HS3ST4: variants seen among roughly 807,000 people sequenced by gnomAD.
HS3ST4 encodes heparan sulfate-glucosamine 3-sulfotransferase 4.
HS3ST4 carries 17 observed loss-of-function variants against 29.2 expected under a neutral mutation model. The ratio of observed to expected loss-of-function variants is 0.58; its 90% CI spans 0.40 to 0.87. HS3ST4 has a LOEUF of 0.87. Ranked by LOEUF, HS3ST4 falls within the 40% of genes least tolerant of loss-of-function variation. The probability of loss-of-function intolerance (pLI) is 0.00; values close to 1 mark genes in which losing one functional copy is unlikely to be tolerated. For missense variants in HS3ST4, 627 were observed against 634.5 expected, an observed-to-expected ratio of 0.99 and a Z score of 0.13; for synonymous variants, 314 against 285.7, an observed-to-expected ratio of 1.10 and a Z score of -1.00.
At chr16:25,982,864 CT>C (rs1334829869) in intron 1 of HS3ST4, among the ~76,000 whole-genome samples, 10 of 152,164 alleles carry the variant, frequency 6.6e-5, no homozygotes, top group Non-Finnish European at 1.3e-4. Context: ...TTCAACTCTT[CT>C]TTAAAAACCT....
At chr16:25,704,140 T>C (rs924498146) in intron 1 of HS3ST4, among the ~76,000 whole-genome samples, 3 of 152,246 alleles carry the variant, frequency 2.0e-5, no homozygotes, top group African/African-American at 7.2e-5. Context: ...AAAGAGGACC[T>C]TGTATGTACG....
chr16:25,905,598 G>A (rs183626381), intron 1 of HS3ST4, among the ~76,000 whole-genome samples: 223 of 152,276 alleles, frequency 1.5e-3, no homozygotes, highest in African/African-American at 5.0e-3. Context: ...ATGAAGGCTC[G>A]TGAAAGACAG....
chr16:26,021,304 C>T (rs1596646985), intron 1 of HS3ST4, among the ~76,000 whole-genome samples: 1 of 152,178 alleles, frequency 6.6e-6, no homozygotes, highest in Non-Finnish European at 1.5e-5. Context: ...GATCTGTCCA[C>T]ACTGGACCTG....
intron 1 of HS3ST4, among the ~76,000 whole-genome samples, chr16:25,737,637 T>C (rs1276820250): frequency 1.3e-5 from 2 of 152,170 alleles, no homozygotes; most frequent in Non-Finnish European, 2.9e-5. Flanking sequence ...CTGGGTACAA[T>C]GTACATTACT....
At chr16:25,722,530 C>T (rs56235801) in intron 1 of HS3ST4, among the ~76,000 whole-genome samples, 43,505 of 152,118 alleles carry the variant, frequency 0.29, 6,718 homozygotes, top group East Asian at 0.56. Flanking sequence ...CAGACAATAC[C>T]GGGCCAGGGC....
chr16:25,812,654 C>T (rs970284619), intron 1 of HS3ST4, among the ~76,000 whole-genome samples: 1 of 151,822 alleles, frequency 6.6e-6, no homozygotes, highest in African/African-American at 2.4e-5. Flanking sequence ...GTATCCCACT[C>T]AATCTCATTT....
chr16:25,748,931 A>G (rs550499121), intron 1 of HS3ST4, among the ~76,000 whole-genome samples: 201 of 152,352 alleles, frequency 1.3e-3, no homozygotes, highest in African/African-American at 4.8e-3. Context: ...CATGTGAAAT[A>G]TACAGTATGA....
intron 1 of HS3ST4, among the ~76,000 whole-genome samples, chr16:25,774,439 T>C (rs1452078509): frequency 6.6e-6 from 1 of 152,214 alleles, no homozygotes; most frequent in African/African-American, 2.4e-5. Flanking sequence ...CAACTAAAAT[T>C]CAAACTCAAG....
chr16:26,070,695 T>C (rs544796195), intron 1 of HS3ST4, among the ~76,000 whole-genome samples: 3 of 152,338 alleles, frequency 2.0e-5, no homozygotes, highest in African/African-American at 7.2e-5. Flanking sequence ...AACTTCCCTA[T>C]TGAAACAACT....
At chr16:25,947,771 A>T (rs1968643811) in intron 1 of HS3ST4, among the ~76,000 whole-genome samples, 1 of 152,136 alleles carries the variant, frequency 6.6e-6, no homozygotes, top group Admixed American at 6.6e-5. Context: ...ACATCATAGT[A>T]TATGTGGGTG....
At chr16:25,963,401 C>T (rs193088380) in intron 1 of HS3ST4, among the ~76,000 whole-genome samples, 159 of 152,318 alleles carry the variant, frequency 1.0e-3, no homozygotes, top group African/African-American at 3.8e-3. Flanking sequence ...TATCCAAATA[C>T]TGCTCCCATT....
chr16:26,053,328 T>C (rs1596664352), intron 1 of HS3ST4, among the ~76,000 whole-genome samples: 1 of 152,224 alleles, frequency 6.6e-6, no homozygotes, highest in South Asian at 2.1e-4. Context: ...GAAAAGCTAA[T>C]TAATGTTAAT....
chr16:25,895,952 G>T (rs1205350626), intron 1 of HS3ST4, among the ~76,000 whole-genome samples: 1 of 152,142 alleles, frequency 6.6e-6, no homozygotes, highest in African/African-American at 2.4e-5. Context: ...GCTGGGGATG[G>T]AGGAGACTGG....
chr16:25,926,338 C>T (rs1032807356), intron 1 of HS3ST4, among the ~76,000 whole-genome samples: 2 of 152,206 alleles, frequency 1.3e-5, no homozygotes, highest in Non-Finnish European at 2.9e-5. Flanking sequence ...TACTATCCTT[C>T]GTAAGCATTT....
At chr16:26,072,921 T>C (rs541279598) in intron 1 of HS3ST4, among the ~76,000 whole-genome samples, 76 of 152,220 alleles carry the variant, frequency 5.0e-4, no homozygotes, top group Non-Finnish European at 5.3e-4. Context: ...TTCATTGTAG[T>C]AGAAAAGTAA....
chr16:25,859,053 G>C (rs1291406587), intron 1 of HS3ST4, among the ~76,000 whole-genome samples: 2 of 151,748 alleles, frequency 1.3e-5, no homozygotes, highest in African/African-American at 4.8e-5. Flanking sequence ...CACGTCCTTG[G>C]GTTTTTATGA....
intron 1 of HS3ST4, among the ~76,000 whole-genome samples, chr16:26,009,856 G>C (rs2141738905): frequency 6.6e-6 from 1 of 152,306 alleles, no homozygotes; most frequent in Non-Finnish European, 1.5e-5. Flanking sequence ...ATGACTTAAA[G>C]CTCATTCCAC....
intron 1 of HS3ST4, among the ~76,000 whole-genome samples, chr16:26,031,545 AT>A (rs1969530959): frequency 6.6e-6 from 1 of 152,104 alleles, no homozygotes; most frequent in South Asian, 2.1e-4. Context: ...CGTTGCACTT[AT>A]TTTGACTAGG....
At chr16:26,117,928 G>A (rs1264276026) in intron 1 of HS3ST4, among the ~76,000 whole-genome samples, 1 of 152,212 alleles carries the variant, frequency 6.6e-6, no homozygotes, top group African/African-American at 2.4e-5. Context: ...CAGCAATAAT[G>A]TGAACCAACC....
Sources: gnomAD v4.1 joint callset for allele counts (sites outside exome capture counted in the v4.1 genomes callset) on GRCh38, gnomAD v4.1.1 for gene constraint, MANE v1.5 for transcripts, NCBI Gene and HGNC (gene_info 2026-07-23, HGNC 2026-07-21) for gene names.